Variants in GPHN observed in about 807,000 individuals in gnomAD.
The protein encoded by GPHN is gephyrin.
GPHN carries 17 observed loss-of-function variants against 95.5 expected under a neutral mutation model. That is an observed-to-expected ratio of 0.18 (90% CI 0.12 to 0.27). GPHN has a LOEUF of 0.27. GPHN is among the 10% of genes least tolerant of loss of function. The pLI is 1.00. For missense variants in GPHN, 660 were observed against 978.1 expected (o/e 0.67, Z 4.34); for synonymous variants, 320 against 322.5 (o/e 0.99, Z 0.08).
chr14:67,000,158 T>TTA (rs2072117697), intron 9 of GPHN, among the ~76,000 whole-genome samples: 1 of 151,808 alleles, frequency 6.6e-6, no homozygotes, highest in African/African-American at 2.4e-5. Context: ...CTTTGAACTC[T>TTA]TAGACACTAT....
the GPHN span, among the ~76,000 whole-genome samples, chr14:67,213,852 C>A: frequency 6.6e-6 from 1 of 152,280 alleles, no homozygotes; most frequent in South Asian, 2.1e-4. Flanking sequence ...TTAATGATTG[C>A]CATTCTAACT....
chr14:66,828,906 C>G (rs754294224), intron 4 of GPHN, among the ~76,000 whole-genome samples: 5 of 149,740 alleles, frequency 3.3e-5, no homozygotes, highest in Non-Finnish European at 5.9e-5. Flanking sequence ...TATTTTTAGG[C>G]CCTGCATCAT....
the GPHN span, among the ~76,000 whole-genome samples, chr14:67,604,115 C>T: frequency 2.0e-5 from 3 of 152,174 alleles, no homozygotes; most frequent in Admixed American, 6.5e-5. Context: ...GCCTCAGCCT[C>T]CCAAGTAGCT....
chr14:66,805,820 G>T (rs769884307), intron 3 of GPHN, among the ~76,000 whole-genome samples: 4 of 152,140 alleles, frequency 2.6e-5, no homozygotes, highest in African/African-American at 7.2e-5. Context: ...CTGCTTTCAC[G>T]GGCTGGCATT....
At chr14:67,239,400 G>T in the GPHN span, among the ~76,000 whole-genome samples, 2 of 152,136 alleles carry the variant, frequency 1.3e-5, no homozygotes, top group East Asian at 3.8e-4. Context: ...GGTAGAGGCT[G>T]GGGATGCTTC....
At chr14:67,498,071 G>A in the GPHN span, among the ~76,000 whole-genome samples, 1 of 152,212 alleles carries the variant, frequency 6.6e-6, no homozygotes, top group Non-Finnish European at 1.5e-5. Context: ...ATCCAGAACC[G>A]CCAAAGAGAA....
At chr14:66,610,920 G>A (rs890985084) in intron 1 of GPHN, among the ~76,000 whole-genome samples, 1 of 152,078 alleles carries the variant, frequency 6.6e-6, no homozygotes, top group Non-Finnish European at 1.5e-5. Context: ...TGGGGATGGT[G>A]GGGAATGAAG....
chr14:66,900,845 A>C (rs1440397250), intron 5 of GPHN, among the ~76,000 whole-genome samples: 3 of 152,064 alleles, frequency 2.0e-5, no homozygotes, highest in African/African-American at 7.2e-5. Flanking sequence ...TGCTGCAGTA[A>C]ATGTGAGAGT....
chr14:67,535,417 G>A, the GPHN span, among the ~76,000 whole-genome samples: 12 of 110,326 alleles, frequency 1.1e-4, no homozygotes, highest in Admixed American at 1.5e-4. Flanking sequence ...GTCTCGCTCT[G>A]TTGCCCAGGC....
At chr14:67,453,170 G>A in the GPHN span, among the ~76,000 whole-genome samples, 1 of 152,220 alleles carries the variant, frequency 6.6e-6, no homozygotes, top group Admixed American at 6.5e-5. Flanking sequence ...TGAGATGAAA[G>A]TAACCAAATA....
At chr14:66,847,775 T>C (rs1215774266) in intron 4 of GPHN, among the ~76,000 whole-genome samples, 1 of 152,094 alleles carries the variant, frequency 6.6e-6, no homozygotes, top group Non-Finnish European at 1.5e-5. Context: ...TTGTGAAGTT[T>C]CACTTTTTTT....
At chr14:66,953,469 G>A (rs896172603) in intron 8 of GPHN, among the ~76,000 whole-genome samples, 3 of 152,022 alleles carry the variant, frequency 2.0e-5, no homozygotes, top group African/African-American at 7.3e-5. Context: ...AATACAATTA[G>A]GTATTTGATC....
At chr14:66,676,540 CTTTGGA>C (rs770019136) in intron 1 of GPHN, among the ~76,000 whole-genome samples, 81 of 152,024 alleles carry the variant, frequency 5.3e-4, no homozygotes, top group Middle Eastern at 3.4e-3. Context: ...CAGATGCTTT[CTTTGGA>C]TTTGAGATGA....
chr14:66,989,129 G>A (rs1455247298), intron 9 of GPHN, among the ~76,000 whole-genome samples: 1 of 151,706 alleles, frequency 6.6e-6, no homozygotes, highest in Non-Finnish European at 1.5e-5. Context: ...ATTAATACAC[G>A]TGTCTCATAT....
At chr14:67,349,206 G>A in the GPHN span, 5 of 1,118,254 alleles carry the variant, frequency 4.5e-6, no homozygotes, top group Admixed American at 2.4e-5. Flanking sequence ...AGAGTGAGAT[G>A]TCACAATTAA....
In GPHN at chr14:66,740,890, G is replaced by A. The variant is rs545751479; in HGVS notation, c.144-35574G>A. Among the ~76,000 whole-genome samples, 3 of 152,250 alleles carry A rather than the reference G, an allele frequency of 2.0e-5. No homozygotes were observed. The East Asian group carries it at 5.8e-4, about 29-fold the overall frequency. ...GTTATAACAGAATACCAGAGATTAGGTAATTTATAAAGAAAAAATTTATTT... is the reference window on the plus strand; with the variant it reads ...GTTATAACAGAATACCAGAGATTAGATAATTTATAAAGAAAAAATTTATTT... On this transcript the variant is annotated intron_variant, in intron 2 of 22. Transcript: ENST00000478722.
intron 3 of GPHN, among the ~76,000 whole-genome samples, chr14:66,798,601 T>A (rs967612315): frequency 1.3e-5 from 2 of 151,872 alleles, no homozygotes; most frequent in African/African-American, 4.8e-5. Context: ...TGGGATACAG[T>A]TGCTAATAGT....
chr14:66,534,613 T>C (rs2059067334), intron 1 of GPHN, among the ~76,000 whole-genome samples: 1 of 152,190 alleles, frequency 6.6e-6, no homozygotes, highest in African/African-American at 2.4e-5. Context: ...AGAGTATAAT[T>C]GTTGGATGGT....
the GPHN span, among the ~76,000 whole-genome samples, chr14:67,249,481 A>G: frequency 6.6e-6 from 1 of 152,248 alleles, no homozygotes; most frequent in East Asian, 1.9e-4. Flanking sequence ...CAGATACTTA[A>G]TAAATATTCA....
Sources: gnomAD v4.1 joint callset for allele counts (sites outside exome capture counted in the v4.1 genomes callset) on GRCh38, gnomAD v4.1.1 for gene constraint, MANE v1.5 for transcripts, NCBI Gene and HGNC (gene_info 2026-07-23, HGNC 2026-07-21) for gene names.